The following TRIM24 variants were observed in gnomAD, a reference collection of about 807,000 sequenced individuals.
TRIM24 encodes tripartite motif containing 24, also known as transcription intermediary factor 1-alpha.
Under a neutral mutation model 123.9 loss-of-function variants are expected in TRIM24, and 29 were observed. That is an observed-to-expected ratio of 0.23 (90% CI 0.17 to 0.32). TRIM24 has a LOEUF of 0.32. Among genes scored for constraint, TRIM24 ranks in the 10% least tolerant of loss-of-function variants. The pLI, the probability that TRIM24 is intolerant of heterozygous loss-of-function variation, is 1.00. For synonymous variants in TRIM24, 456 were observed against 461.1 expected, an observed-to-expected ratio of 0.99 and a Z score of 0.14; for missense variants, 932 against 1,295.3, an observed-to-expected ratio of 0.72 and a Z score of 4.31.
At chr7:138,539,382 G>A (rs1020131657) in intron 7 of TRIM24, among the ~76,000 whole-genome samples, 2 of 152,062 alleles carry the variant, frequency 1.3e-5, no homozygotes, top group Admixed American at 1.3e-4. Flanking sequence ...TTTGACATTG[G>A]TCTAGAACCT....
At chr7:138,465,330 A>C (rs1795113281) in intron 1 of TRIM24, among the ~76,000 whole-genome samples, 1 of 152,246 alleles carries the variant, frequency 6.6e-6, no homozygotes, top group South Asian at 2.1e-4. Context: ...AAACTTTAGG[A>C]AATGGATTTT....
rs1796462333 is a variant in TRIM24, at chr7:138,519,407, T to C, written c.764+86T>C. ...GCTGCCAACCCTCATCAAATGGCAGTCTGCAAATAGGTTTTGTTTGGCCAG... is the reference window on the plus strand; with the variant it reads ...GCTGCCAACCCTCATCAAATGGCAGCCTGCAAATAGGTTTTGTTTGGCCAG... On this transcript the variant is annotated intron_variant, in intron 4 of 18. Transcript: ENST00000343526. The C allele has an allele frequency of 2.7e-6, 4 of 1,462,456 alleles. No individual in the cohort carries two copies. In the South Asian group the frequency reaches 5.5e-5, roughly 20 times the overall value. The allele number at this position is 1,462,456 out of a possible 1,614,324, so 90.6% of individuals were successfully genotyped here.
intron 9 of TRIM24, among the ~76,000 whole-genome samples, chr7:138,563,651 T>C (rs116722031): frequency 2.9e-3 from 443 of 152,310 alleles, no homozygotes; most frequent in African/African-American, 9.7e-3. Flanking sequence ...ACCCTGGGCT[T>C]GTCCTGCAAA....
rs28361932 is a variant in TRIM24 at position 138,586,343 on chromosome 7, A to C, written c.*1392A>C. 6.5e-6 allele frequency: 1 copy of C among 154,822 alleles called. No individual in the cohort carries two copies. 9.6% of individuals were successfully genotyped at this position (154,822 alleles called of 1,614,324 possible). A position where few individuals can be genotyped will look rare whatever the true frequency, so the allele number is the denominator to read the frequency against. On this transcript the variant is annotated 3_prime_UTR_variant, in exon 19 of 19. Transcript: ENST00000343526. Reference sequence around the variant, plus strand: ...GAATAAAAAGAGCTCACTTGAAAGAAGGCTATTATTTGCATTATATCACCT... The same window carrying C: ...GAATAAAAAGAGCTCACTTGAAAGACGGCTATTATTTGCATTATATCACCT...
At chr7:138,547,889 C>A (rs1404142288) in intron 7 of TRIM24, among the ~76,000 whole-genome samples, 3 of 152,164 alleles carry the variant, frequency 2.0e-5, no homozygotes, top group African/African-American at 7.2e-5. Flanking sequence ...CGTGATCTGC[C>A]CGCCTTGGCG....
intron 8 of TRIM24, 33 bp downstream of exon 8, chr7:138,551,213 G>A (rs766769519): frequency 3.9e-6 from 6 of 1,531,856 alleles, no homozygotes; most frequent in Admixed American, 3.3e-5. Context: ...ATTTCTCAGT[G>A]GCATTTGTCT....
rs1794986800 is a variant in TRIM24 at position 138,461,958 on chromosome 7, TAGGA to T, written c.364+1047_364+1050del. 3.9e-5 allele frequency among the ~76,000 whole-genome samples: 6 copies of T among 152,336 alleles called. No homozygotes were observed. The South Asian group carries it at 1.2e-3, about 32-fold the overall frequency. ...GAGACTCATTTATTTGACTGCATGT[TAGGA>T]GCAGTATCCACTTGTAGGAGACAGT... On this transcript the variant is annotated intron_variant, in intron 1 of 18. Transcript: ENST00000343526.
At chr7:138,491,418 T>C (rs1228459222) in intron 1 of TRIM24, 2 of 155,824 alleles carry the variant, frequency 1.3e-5, no homozygotes, top group African/African-American at 4.8e-5. Flanking sequence ...TAGAACCTCA[T>C]AAAAATAGAA....
At chr7:138,513,068 AG>A (rs1563040927) in intron 2 of TRIM24, among the ~76,000 whole-genome samples, 2 of 152,194 alleles carry the variant, frequency 1.3e-5, no homozygotes, top group African/African-American at 4.8e-5. Flanking sequence ...CCCTAAAGCC[AG>A]GGGCACAGTC....
At chr7:138,489,800 A>G (rs1432001245) in intron 1 of TRIM24, among the ~76,000 whole-genome samples, 4 of 151,974 alleles carry the variant, frequency 2.6e-5, no homozygotes, top group African/African-American at 9.7e-5. Flanking sequence ...CCTTCATTTC[A>G]ACTTTGGTGA....
chr7:138,493,226 ACTGT>A (rs1795832942), intron 1 of TRIM24, among the ~76,000 whole-genome samples: 1 of 152,140 alleles, frequency 6.6e-6, no homozygotes, highest in Admixed American at 6.5e-5. Flanking sequence ...TAGTCGTTTC[ACTGT>A]CTGGGCTGTC....
intron 9 of TRIM24, 146 bp from the exon 10 acceptor site, chr7:138,567,335 A>C: frequency 3.1e-6 from 2 of 650,248 alleles, no homozygotes; most frequent in Non-Finnish European, 4.6e-6. Flanking sequence ...CCCATCCCCC[A>C]CCCCTCATTC....
intron 1 of TRIM24, among the ~76,000 whole-genome samples, chr7:138,494,055 C>G (rs1437386558): frequency 6.6e-6 from 1 of 152,034 alleles, no homozygotes; most frequent in Admixed American, 6.5e-5. Context: ...GATCTCAGCT[C>G]ACTGGAACCT....
intron 15 of TRIM24, 67 bp downstream of exon 15, chr7:138,579,599 C>T: frequency 7.2e-7 from 1 of 1,382,630 alleles, no homozygotes; most frequent in Admixed American, 2.3e-5. Flanking sequence ...TAACAGAAAG[C>T]CTTTGAAAAA....
At position 138,495,570 on chromosome 7, in the gene TRIM24, C is replaced by A. The variant is rs76704932; in HGVS notation, c.365-8720C>A. On this transcript the variant is annotated intron_variant, in intron 1 of 18. Coordinates refer to ENST00000343526, the MANE Select transcript of TRIM24 (RefSeq NM_015905.3). ...TTTTTTCTTTGTATTTAAGGCTTCT[C>A]TTTGTCTTTGATTTCTGCAGTTTTA... Among the ~76,000 whole-genome samples, 773 of 151,928 alleles carry A rather than the reference C, an allele frequency of 5.1e-3. 4 individuals carry two copies. Among genetic ancestry groups the A allele is most frequent in the African/African-American group, 0.018 (741 of 41,442 alleles).
chr7:138,480,787 A>C (rs1795509103), intron 1 of TRIM24, among the ~76,000 whole-genome samples: 1 of 152,028 alleles, frequency 6.6e-6, no homozygotes, highest in Admixed American at 6.6e-5. Flanking sequence ...TTGTATTATC[A>C]ATCTTTTTAT....
At chr7:138,568,606 C>T (rs568721356) in intron 10 of TRIM24, among the ~76,000 whole-genome samples, 4 of 151,722 alleles carry the variant, frequency 2.6e-5, no homozygotes, top group Admixed American at 6.6e-5. Context: ...AGGCTAGTCT[C>T]GAACTCCTGG....
At chr7:138,491,516 C>T (rs1052976436) in intron 1 of TRIM24, among the ~76,000 whole-genome samples, 2 of 152,200 alleles carry the variant, frequency 1.3e-5, no homozygotes, top group African/African-American at 2.4e-5. Flanking sequence ...ACATATCAGA[C>T]ATCACTTCTT....
At chr7:138,491,618 C>G (rs951805770) in intron 1 of TRIM24, among the ~76,000 whole-genome samples, 1 of 152,142 alleles carries the variant, frequency 6.6e-6, no homozygotes. Flanking sequence ...CTCTTTAGCT[C>G]TTACGAATAA....
Sources: gnomAD v4.1 joint callset for allele counts (sites outside exome capture counted in the v4.1 genomes callset) on GRCh38, gnomAD v4.1.1 for gene constraint, MANE v1.5 for transcripts, NCBI Gene and HGNC (gene_info 2026-07-23, HGNC 2026-07-21) for gene names.